ASTN1: variants seen among roughly 807,000 people sequenced by gnomAD.
The protein encoded by ASTN1 is astrotactin-1.
In ASTN1, 41 loss-of-function variants were observed where a neutral mutation model predicts 140.7. The ratio of observed to expected loss-of-function variants is 0.29; its 90% CI spans 0.23 to 0.38. The LOEUF (loss-of-function observed/expected upper bound fraction) is 0.38. ASTN1 is among the 10% of genes least tolerant of loss of function. The pLI is 1.00. For synonymous variants in ASTN1, 640 were observed against 652.2 expected (o/e 0.98, Z 0.29); for missense variants, 1,479 against 1,678.8 (o/e 0.88, Z 2.08).
intron 12 of ASTN1, among the ~76,000 whole-genome samples, chr1:176,948,186 T>A (rs1672032760): frequency 6.6e-6 from 1 of 152,132 alleles, no homozygotes; most frequent in Admixed American, 6.5e-5. Context: ...GACTGTGAGA[T>A]CCTTGAGGGC....
At chr1:177,045,021 C>T (rs528570740) in intron 2 of ASTN1, among the ~76,000 whole-genome samples, 7 of 151,924 alleles carry the variant, frequency 4.6e-5, no homozygotes, top group Non-Finnish European at 1.0e-4. Flanking sequence ...TCTGCCTATC[C>T]CTGAACCTTT....
At chr1:176,914,141 A>G (rs1227045446) in intron 16 of ASTN1, among the ~76,000 whole-genome samples, 1 of 152,160 alleles carries the variant, frequency 6.6e-6, no homozygotes, top group African/African-American at 2.4e-5. Context: ...AGATGACAAA[A>G]CCGGGCAACA....
At chr1:177,099,061 A>G (rs546822938) in intron 1 of ASTN1, among the ~76,000 whole-genome samples, 1 of 152,338 alleles carries the variant, frequency 6.6e-6, no homozygotes, top group East Asian at 1.9e-4. Context: ...TTTTCTATGA[A>G]TAATACATAT....
chr1:176,861,099 T>C lies in ASTN1; in HGVS notation c.*3185A>G. 1.1e-6 allele frequency: 1 copy of C among 952,158 alleles called. No individual in the cohort carries two copies. Among genetic ancestry groups the C allele is most frequent in the South Asian group, 4.9e-5 (1 of 20,580 alleles). 59.0% of individuals were successfully genotyped at this position (952,158 alleles called of 1,614,324 possible). A position where few individuals can be genotyped will look rare whatever the true frequency, so the allele number is the denominator to read the frequency against. On this transcript the variant is annotated 3_prime_UTR_variant, in exon 23 of 23. Coordinates refer to ENST00000361833, the MANE Select transcript of ASTN1 (RefSeq NM_004319.3). ...TAATAGCTTTGTTTTATTATTCAGTTAATTATTTCATCTTTTATAATCATA... is the reference window on the plus strand; with the variant it reads ...TAATAGCTTTGTTTTATTATTCAGTCAATTATTTCATCTTTTATAATCATA...
intron 8 of ASTN1, among the ~76,000 whole-genome samples, chr1:177,001,489 G>A (rs1013198324): frequency 1.3e-5 from 2 of 152,164 alleles, no homozygotes; most frequent in East Asian, 1.9e-4. Flanking sequence ...ACAAATCTAT[G>A]AAGTAGATAC....
chr1:177,068,611 A>G (rs902707006), intron 1 of ASTN1, among the ~76,000 whole-genome samples: 1 of 152,122 alleles, frequency 6.6e-6, no homozygotes, highest in Non-Finnish European at 1.5e-5. Context: ...TCTTCAAACC[A>G]TGGGACTAGA....
Position 176,884,608 on chromosome 1 carries a change from C to T in ASTN1, c.3075-118G>A, listed in dbSNP as rs1668953761. On this transcript the variant is annotated intron_variant, in intron 18 of 22. Transcript: ENST00000361833. ...TTTCCCAACCAACTACAAAAATGAT[C>T]TCTTTGAGGGCCTGTCTCTTTCAAA... 4 of 1,139,002 alleles carry T rather than the reference C, an allele frequency of 3.5e-6. No homozygotes were observed. The Admixed American group carries it at 8.3e-5, about 24-fold the overall frequency. The allele number at this position is 1,139,002 out of a possible 1,614,324, so 70.6% of individuals were successfully genotyped here.
At chr1:176,927,753 C>T (rs979317076) in intron 16 of ASTN1, among the ~76,000 whole-genome samples, 1 of 152,216 alleles carries the variant, frequency 6.6e-6, no homozygotes, top group Non-Finnish European at 1.5e-5. Flanking sequence ...CAAAGCTCAG[C>T]TTTCTGCAGA....
intron 1 of ASTN1, among the ~76,000 whole-genome samples, chr1:177,122,205 T>C (rs1350894049): frequency 1.3e-5 from 2 of 152,108 alleles, no homozygotes; most frequent in African/African-American, 4.8e-5. Context: ...GCAGAGGGAC[T>C]GAGAGAAAGC....
chr1:177,097,714 TA>T, intron 1 of ASTN1, among the ~76,000 whole-genome samples: 1 of 152,034 alleles, frequency 6.6e-6, no homozygotes, highest in East Asian at 1.9e-4. Flanking sequence ...GTTGCCAGAG[TA>T]ACCAAATTGG....
At chr1:177,109,110 C>G (rs1680690894) in intron 1 of ASTN1, among the ~76,000 whole-genome samples, 1 of 152,072 alleles carries the variant, frequency 6.6e-6, no homozygotes, top group Non-Finnish European at 1.5e-5. Context: ...TTCATATATA[C>G]AAGGATGTCA....
chr1:177,025,882 C>T lies in ASTN1; in HGVS notation c.1121-1150G>A, dbSNP rs147581931. Among the ~76,000 whole-genome samples the T allele has an allele frequency of 1.2e-4, 19 of 152,132 alleles. No individual in the cohort carries two copies. The East Asian group carries it at 3.7e-3, about 29-fold the overall frequency. On this transcript the variant is annotated intron_variant, in intron 5 of 22. Coordinates refer to ENST00000361833, the MANE Select transcript of ASTN1 (RefSeq NM_004319.3). ...TGGCTCGCATCATTGACTAGTGTCC[C>T]CAGTCTTAGGAGGCAGCTCCCCTGG...
At chr1:177,082,011 G>A (rs981653964) in intron 1 of ASTN1, among the ~76,000 whole-genome samples, 7 of 152,140 alleles carry the variant, frequency 4.6e-5, no homozygotes, top group African/African-American at 1.4e-4. Context: ...ATGCTAGAGA[G>A]GAAACACAGC....
Position 176,957,213 on chromosome 1 carries a change from A to C in ASTN1, c.1887+465T>G, listed in dbSNP as rs112341327. On this transcript the variant is annotated intron_variant, in intron 11 of 22. Coordinates refer to ENST00000361833, the MANE Select transcript of ASTN1 (RefSeq NM_004319.3). ...GTCAGCCACCATAAACAGAGTCCATAGGGCTGATAACGAAGTACTTTAGGA... is the reference window on the plus strand; with the variant it reads ...GTCAGCCACCATAAACAGAGTCCATCGGGCTGATAACGAAGTACTTTAGGA... Among the ~76,000 whole-genome samples the C allele has an allele frequency of 5.8e-3, 885 of 152,192 alleles. 15 individuals carry two copies. The highest frequency in any genetic ancestry group is 0.02 in the African/African-American group (834 of 41,514).
intron 8 of ASTN1, chr1:176,976,945 G>T (rs1165245084): frequency 1.3e-5 from 2 of 152,374 alleles, no homozygotes; most frequent in Admixed American, 1.3e-4. Context: ...ACGACTGAAT[G>T]TTACATCCCT....
At chr1:177,031,956 T>A (rs76922398) in intron 3 of ASTN1, among the ~76,000 whole-genome samples, 3,094 of 152,160 alleles carry the variant, frequency 0.02, 93 homozygotes, top group African/African-American at 0.07. Flanking sequence ...AAGAAGTGCA[T>A]CCCTTGTAGA....
intron 22 of ASTN1, among the ~76,000 whole-genome samples, chr1:176,866,392 G>A (rs1249751762): frequency 6.6e-6 from 1 of 152,150 alleles, no homozygotes; most frequent in Admixed American, 6.5e-5. Context: ...TTCCCTAAGA[G>A]CCTCTGCAGT....
At chr1:176,939,929 G>C (rs1348686175) in intron 14 of ASTN1, among the ~76,000 whole-genome samples, 1 of 151,926 alleles carries the variant, frequency 6.6e-6, no homozygotes, top group African/African-American at 2.4e-5. Context: ...GAGGACACTA[G>C]CTTTTTCTTG....
intron 1 of ASTN1, among the ~76,000 whole-genome samples, chr1:177,078,804 A>G (rs1197215813): frequency 6.6e-6 from 1 of 152,274 alleles, no homozygotes; most frequent in East Asian, 1.9e-4. Flanking sequence ...CAAAGAAAAG[A>G]TTTTCTTTTG....
Sources: allele counts gnomAD v4.1 joint callset (sites outside exome capture counted in the v4.1 genomes callset), GRCh38; gene constraint gnomAD v4.1.1; transcripts MANE v1.5; gene names NCBI Gene and HGNC (gene_info 2026-07-23, HGNC 2026-07-21).